Variants in MKLN1 observed in about 807,000 individuals in gnomAD.
MKLN1 encodes muskelin.
A neutral mutation model predicts 99.0 loss-of-function variants in MKLN1; 18 were observed. That is an observed-to-expected ratio of 0.18 (90% CI 0.13 to 0.27). MKLN1 has a LOEUF of 0.27. Among genes scored for constraint, MKLN1 ranks in the 10% least tolerant of loss-of-function variants. The pLI, the probability that MKLN1 is intolerant of heterozygous loss-of-function variation, is 1.00. For synonymous variants in MKLN1, 288 were observed against 293.2 expected (o/e 0.98, Z 0.18); for missense variants, 621 against 875.9 (o/e 0.71, Z 3.67).
intron 3 of MKLN1, among the ~76,000 whole-genome samples, chr7:131,278,351 T>G (rs1798004660): frequency 6.6e-6 from 1 of 152,188 alleles, no homozygotes; most frequent in Non-Finnish European, 1.5e-5. Flanking sequence ...TTATTTATTT[T>G]TTATTGTTTT....
rs60725549 is a variant in MKLN1, at chr7:131,160,492, AATTATTATTATTATT to A, written c.-297+17579_-297+17593del. Among the ~76,000 whole-genome samples the A allele has an allele frequency of 8.7e-3, 1,204 of 138,968 alleles. 25 individuals are homozygous for A. Among genetic ancestry groups the A allele is most frequent in the African/African-American group, 0.029 (1,099 of 38,026 alleles). The allele number at this position is 138,968 out of a possible 152,430, so 91.2% of individuals were successfully genotyped here. A position where few individuals can be genotyped will look rare whatever the true frequency, so the allele number is the denominator to read the frequency against. ...TTTAACTTATTTTATTATTATTATT[AATTATTATTATTATT>A]ATTATTATTATTATTATTATTATTA... is the stretch of plus-strand genomic sequence containing the variant. On this transcript the variant is annotated intron_variant, in intron 2 of 7. Coordinates refer to the MKLN1 transcript ENST00000416992.
intron 3 of MKLN1, among the ~76,000 whole-genome samples, chr7:131,293,043 C>G (rs1445022511): frequency 6.6e-6 from 1 of 152,196 alleles, no homozygotes; most frequent in Non-Finnish European, 1.5e-5. Context: ...TCTGGGCTGG[C>G]TTTGTCACTT....
At chr7:131,330,923 T>G (rs921091875) in intron 1 of MKLN1, among the ~76,000 whole-genome samples, 3 of 152,208 alleles carry the variant, frequency 2.0e-5, no homozygotes, top group African/African-American at 7.2e-5. Flanking sequence ...TTTGTGTGCT[T>G]AGAGATTGCC....
At chr7:131,334,540 T>A (rs1303329886) in intron 1 of MKLN1, among the ~76,000 whole-genome samples, 1 of 152,248 alleles carries the variant, frequency 6.6e-6, no homozygotes, top group Non-Finnish European at 1.5e-5. Context: ...CAGTTTCTTG[T>A]GTAGAAATAC....
intron 3 of MKLN1, among the ~76,000 whole-genome samples, chr7:131,208,050 A>G (rs562528095): frequency 6.6e-6 from 1 of 152,308 alleles, no homozygotes; most frequent in Non-Finnish European, 1.5e-5. Flanking sequence ...CAATTGTCCC[A>G]GACCTTCGGA....
intron 3 of MKLN1, among the ~76,000 whole-genome samples, chr7:131,241,541 T>C (rs1460879867): frequency 6.6e-6 from 1 of 152,182 alleles, no homozygotes; most frequent in Non-Finnish European, 1.5e-5. Flanking sequence ...AACTTGTCGC[T>C]ACAAAAATTT....
chr7:131,189,405 A>C (rs565474972), intron 2 of MKLN1, among the ~76,000 whole-genome samples: 1 of 152,322 alleles, frequency 6.6e-6, no homozygotes, highest in Admixed American at 6.5e-5. Context: ...CAGCGATGTC[A>C]GAAGACCTCC....
chr7:131,403,829 CAGTAATGAAAA>C (rs1794622597), intron 6 of MKLN1, among the ~76,000 whole-genome samples: 1 of 151,986 alleles, frequency 6.6e-6, no homozygotes, highest in Non-Finnish European at 1.5e-5. Flanking sequence ...ACAGATATGA[CAGTAATGAAAA>C]AGGTTGAAAC....
rs1365257292 is a variant in MKLN1 at position 131,490,286 on chromosome 7, G to A, written c.*2558G>A. On this transcript the variant is annotated 3_prime_UTR_variant, in exon 18 of 18. Transcript: ENST00000352689. ...CTAACACTTTAGACACATAAATTAA[G>A]TGGGATACAGTTTTCTCATTTGTAT... 1 of 152,562 alleles carries A rather than the reference G, an allele frequency of 6.6e-6. No individual in the cohort carries two copies. The highest frequency in any genetic ancestry group is 1.5e-5 in the Non-Finnish European group (1 of 68,016). 9.5% of individuals were successfully genotyped at this position (152,562 alleles called of 1,614,324 possible). A position where few individuals can be genotyped will look rare whatever the true frequency, so the allele number is the denominator to read the frequency against.
intron 2 of MKLN1, among the ~76,000 whole-genome samples, chr7:131,169,462 T>A (rs971943982): frequency 1.3e-5 from 2 of 152,244 alleles, no homozygotes; most frequent in African/African-American, 4.8e-5. Flanking sequence ...CTGTTAATTT[T>A]AACTACTTTG....
intron 3 of MKLN1, among the ~76,000 whole-genome samples, chr7:131,211,339 C>A (rs1796903495): frequency 1.3e-5 from 2 of 152,158 alleles, no homozygotes; most frequent in African/African-American, 4.8e-5. Flanking sequence ...TCATCTACAG[C>A]AAACAAATAT....
At chr7:131,216,372 G>A (rs1159839353) in intron 3 of MKLN1, among the ~76,000 whole-genome samples, 5 of 149,392 alleles carry the variant, frequency 3.3e-5, no homozygotes, top group East Asian at 3.9e-4. Context: ...GCAGTGAGCC[G>A]ACATTGCGCC....
intron 1 of MKLN1, among the ~76,000 whole-genome samples, chr7:131,134,213 G>A (rs949750527): frequency 3.9e-5 from 6 of 152,116 alleles, no homozygotes; most frequent in Admixed American, 2.6e-4. Context: ...TGACCCCAGA[G>A]AAAGCTGTTG....
chr7:131,352,449 A>G (rs1471749312), intron 1 of MKLN1, among the ~76,000 whole-genome samples: 1 of 152,182 alleles, frequency 6.6e-6, no homozygotes, highest in Admixed American at 6.5e-5. Context: ...GAGAAAAAAT[A>G]TCTTGAATTT....
At chr7:131,355,195 G>A (rs1242495500) in intron 1 of MKLN1, among the ~76,000 whole-genome samples, 1 of 152,124 alleles carries the variant, frequency 6.6e-6, no homozygotes, top group Non-Finnish European at 1.5e-5. Flanking sequence ...ACAGGGTCTA[G>A]TCTTCTCTCC....
chr7:131,427,276 A>G (rs1396159237), intron 8 of MKLN1, among the ~76,000 whole-genome samples: 1 of 152,222 alleles, frequency 6.6e-6, no homozygotes, highest in Non-Finnish European at 1.5e-5. Flanking sequence ...CTTGTAGAAG[A>G]TAGCCTAACT....
chr7:131,155,924 G>A (rs547174643), intron 2 of MKLN1, among the ~76,000 whole-genome samples: 4 of 152,232 alleles, frequency 2.6e-5, no homozygotes, highest in East Asian at 1.9e-4. Flanking sequence ...GGGATTTGGC[G>A]TGTCTACCTT....
At chr7:131,261,676 A>G (rs1014982827) in intron 3 of MKLN1, among the ~76,000 whole-genome samples, 1 of 152,268 alleles carries the variant, frequency 6.6e-6, no homozygotes, top group Non-Finnish European at 1.5e-5. Flanking sequence ...TCATTCTGCC[A>G]TAATGACACA....
chr7:131,232,395 C>T (rs917151027), intron 3 of MKLN1, among the ~76,000 whole-genome samples: 1 of 152,098 alleles, frequency 6.6e-6, no homozygotes. Flanking sequence ...CTTGTAACTA[C>T]ACACATGAAA....
Sources: gnomAD v4.1 joint callset for allele counts (sites outside exome capture counted in the v4.1 genomes callset) on GRCh38, gnomAD v4.1.1 for gene constraint, MANE v1.5 for transcripts, NCBI Gene and HGNC (gene_info 2026-07-23, HGNC 2026-07-21) for gene names.